Variants in RYR1 observed in about 807,000 individuals in gnomAD.
The protein encoded by RYR1 is central core disease of muscle.
A neutral mutation model predicts 583.5 loss-of-function variants in RYR1; 342 were observed. The observed-to-expected ratio is 0.59, with a 90% CI of 0.54 to 0.64. The LOEUF is 0.64. Among genes scored for constraint, RYR1 ranks in the 30% least tolerant of loss-of-function variants. RYR1 has a pLI of 0.00. For synonymous variants in RYR1, 2,791 were observed against 2,822.5 expected (o/e 0.99, Z 0.35); for missense variants, 6,032 against 6,917.2 (o/e 0.87, Z 4.54).
At chr19:38,535,516 C>A in intron 81 of RYR1, 124 bp downstream of exon 81, 1 of 795,538 alleles carries the variant, frequency 1.3e-6, no homozygotes, top group Non-Finnish European at 2.3e-6. Flanking sequence ...CTCAGAATCG[C>A]TCAAATAACA....
chr19:38,449,425 C>T (rs1457455379), intron 11 of RYR1, among the ~76,000 whole-genome samples: 1 of 152,068 alleles, frequency 6.6e-6, no homozygotes, highest in African/African-American at 2.4e-5. Context: ...CGTGCCATTG[C>T]ACTCCAGCCT....
chr19:38,459,380 G>A (rs746625556), intron 19 of RYR1, 42 bp downstream of exon 19: 1 of 1,589,336 alleles, frequency 6.3e-7, no homozygotes, highest in Non-Finnish European at 8.6e-7. Flanking sequence ...CTCAGACCTA[G>A]GACTGACCTG....
Position 38,580,359 on chromosome 19 carries a change from C to T in RYR1, c.14512-11C>T, listed in dbSNP as rs1257034924. ...CAGGGCGGAGCTGACCTGGCCCCAT[C>T]CTGCCCCCAGCTGGTGATGACCGTG... On this transcript the variant is annotated splice_polypyrimidine_tract_variant and intron_variant, in intron 100 of 105. Transcript: ENST00000359596. 10 of 1,613,882 alleles carry T rather than the reference C, an allele frequency of 6.2e-6. No homozygotes were observed. Among genetic ancestry groups the T allele is most frequent in the Non-Finnish European group, 8.5e-6 (10 of 1,179,974 alleles).
intron 2 of RYR1, among the ~76,000 whole-genome samples, 180 bp downstream of exon 2, chr19:38,441,044 G>T (rs1362385740): frequency 6.6e-6 from 1 of 151,132 alleles, no homozygotes; most frequent in Non-Finnish European, 1.5e-5. Context: ...TCTGAGAAGG[G>T]AGGGGCAGGG....
chr19:38,526,355 C>T, intron 71 of RYR1, among the ~76,000 whole-genome samples: 1 of 151,766 alleles, frequency 6.6e-6, no homozygotes, highest in Non-Finnish European at 1.5e-5. Flanking sequence ...AGGACCACAC[C>T]AACACCCTGA....
intron 1 of RYR1, among the ~76,000 whole-genome samples, chr19:38,438,898 G>T (rs540462611): frequency 6.6e-6 from 1 of 152,006 alleles, no homozygotes; most frequent in Non-Finnish European, 1.5e-5. Flanking sequence ...GATTACAGGC[G>T]TGAGCCGCCG....
rs1477716756 is a variant in RYR1 at position 38,578,207 on chromosome 19, G to A, written c.14364+3G>A. On this transcript the variant is annotated splice_donor_region_variant and intron_variant, in intron 99 of 105. Coordinates refer to ENST00000359596, the MANE Select transcript of RYR1 (RefSeq NM_000540.3). ...TCGGGGTCATCTTCACAGACAACGT[G>A]AGCAGGGGCCCACAGACTGGGGAGG... 2 of 1,613,328 alleles carry A rather than the reference G, an allele frequency of 1.2e-6. No individual in the cohort carries two copies. Among genetic ancestry groups the A allele is most frequent in the Non-Finnish European group, 1.7e-6 (2 of 1,179,686 alleles).
In RYR1 at chr19:38,473,683, G is replaced by A. The variant is rs868508791; in HGVS notation, c.4072G>A (p.Gly1358Arg). The A allele has an allele frequency of 1.4e-5, 21 of 1,550,548 alleles. No individual in the cohort carries two copies. The highest frequency in any genetic ancestry group is 7.8e-5 in the Admixed American group (4 of 50,974). ...AGGGACTGCGAAGGAGGGCGCCCCC[G>A]GGGGCACCCCGCAGGCGGGGGGAGA... is the stretch of plus-strand genomic sequence containing the variant. ...KEGTAKEGAPGGTPQAGGEAQ... is the reference protein window; with the variant it reads ...KEGTAKEGAPRGTPQAGGEAQ... The change falls in exon 28 of 106, where the codon GGG becomes AGG. Residue 1358 changes from glycine to arginine, a missense_variant. Transcript: ENST00000359596.
At chr19:38,546,775 G>C (rs74193374) in intron 88 of RYR1, among the ~76,000 whole-genome samples, 1 of 143,772 alleles carries the variant, frequency 7.0e-6, no homozygotes, top group Non-Finnish European at 1.5e-5. Flanking sequence ...AACATGGTGA[G>C]ACCCTGTCTC....
intron 20 of RYR1, among the ~76,000 whole-genome samples, chr19:38,463,141 GC>G (rs34883994): frequency 0.025 from 831 of 32,966 alleles, 90 homozygotes; most frequent in African/African-American, 0.14. Context: ...CAGGCGATCT[GC>G]CCCCCCCCCC....
intron 83 of RYR1, 44 bp from the exon 84 acceptor site, chr19:38,537,836 C>T (rs773891385): frequency 1.5e-5 from 24 of 1,565,034 alleles, no homozygotes; most frequent in South Asian, 1.1e-4. Context: ...TGTGTCTTGG[C>T]GCATCTGACC....
At chr19:38,525,598 C>T in intron 71 of RYR1, 96 bp downstream of exon 71, 4 of 1,316,040 alleles carry the variant, frequency 3.0e-6, no homozygotes, top group Non-Finnish European at 4.3e-6. Flanking sequence ...TGCCACTGAG[C>T]CCCCCAGGTC....
At chr19:38,456,640 A>G (rs1356276970) in intron 16 of RYR1, among the ~76,000 whole-genome samples, 1 of 152,064 alleles carries the variant, frequency 6.6e-6, no homozygotes, top group Non-Finnish European at 1.5e-5. Context: ...TGGACTGTAT[A>G]TATATACACA....
At chr19:38,506,252 G>T in intron 54 of RYR1, 51 bp from the exon 55 acceptor site, 7 of 1,588,162 alleles carry the variant, frequency 4.4e-6, no homozygotes, top group Non-Finnish European at 6.0e-6. Flanking sequence ...GCTGGCCTGG[G>T]CTTCCTGCTA....
chr19:38,487,472 G>A (rs542964762), intron 34 of RYR1, among the ~76,000 whole-genome samples: 45 of 151,954 alleles, frequency 3.0e-4, no homozygotes, highest in African/African-American at 1.1e-3. Flanking sequence ...TTCTGCCTCA[G>A]CCTCCCAAGT....
chr19:38,543,102 A>G lies in RYR1; in HGVS notation c.11690-245A>G, dbSNP rs1972270521. 6.6e-6 allele frequency among the ~76,000 whole-genome samples: 1 copy of G among 152,174 alleles called. No homozygotes were observed. Among genetic ancestry groups the G allele is most frequent in the Non-Finnish European group, 1.5e-5 (1 of 68,028 alleles). Reference sequence around the variant, plus strand: ...GGTGATCTGCCTGCCTGGGCCTCCCAAAGTGCTGGAATTACAGGCGTGAGC... The same window carrying G: ...GGTGATCTGCCTGCCTGGGCCTCCCGAAGTGCTGGAATTACAGGCGTGAGC... On this transcript the variant is annotated intron_variant, in intron 84 of 105. Coordinates refer to ENST00000359596, the MANE Select transcript of RYR1 (RefSeq NM_000540.3). The surrounding 1 kb of genome is among the most constrained non-coding windows in gnomAD (Gnocchi z 4.4).
chr19:38,442,551 G>A (rs1446785628), intron 3 of RYR1, 98 bp downstream of exon 3: 7 of 819,744 alleles, frequency 8.5e-6, no homozygotes, highest in East Asian at 5.1e-5. Context: ...GAGAGGACCC[G>A]GGGGTCGCTT....
chr19:38,492,400 G>T (rs1241420885), intron 37 of RYR1, 90 bp from the exon 38 acceptor site: 3 of 1,331,262 alleles, frequency 2.3e-6, no homozygotes, highest in Non-Finnish European at 2.1e-6. Flanking sequence ...CTCCATGCAT[G>T]CATGCACATA....
In RYR1 at chr19:38,515,065, G is replaced by A; in HGVS notation, c.9512G>A (p.Ser3171Asn). The A allele has an allele frequency of 6.4e-7, 1 of 1,568,018 alleles. No homozygotes were observed. Among genetic ancestry groups the A allele is most frequent in the Non-Finnish European group, 8.7e-7 (1 of 1,151,870 alleles). ...VQVSCYRTLCSIYSLGTTKNT... is the reference protein window; with the variant it reads ...VQVSCYRTLCNIYSLGTTKNT... ...GTCTCTTGCTACCGAACGCTGTGCA[G>A]TATCTACTCCCTGGGAACCACCAAG... is the stretch of plus-strand genomic sequence containing the variant. Residue 3171 changes from serine to asparagine, a missense_variant, in exon 64 of 106, where the codon AGT becomes AAT. This residue lies in a region of RYR1 where 1,493 missense variants were observed against 1,715.5 expected (regional missense o/e 0.87). Coordinates refer to ENST00000359596, the MANE Select transcript of RYR1 (RefSeq NM_000540.3).
Sources: gnomAD v4.1 joint callset for allele counts (sites outside exome capture counted in the v4.1 genomes callset) on GRCh38, gnomAD v4.1.1 for gene constraint, gnomAD v4.1.1 regional missense constraint, Gnocchi (gnomAD v3.1) non-coding constraint, MANE v1.5 for transcripts, NCBI Gene and HGNC (gene_info 2026-07-23, HGNC 2026-07-21) for gene names.